PIWIL3: variants seen among roughly 807,000 people sequenced by gnomAD.
PIWIL3 encodes the protein piwi-like protein 3.
A neutral mutation model predicts 109.7 loss-of-function variants in PIWIL3; 101 were observed. That is an observed-to-expected ratio of 0.92 (90% CI 0.78 to 1.09). The LOEUF (loss-of-function observed/expected upper bound fraction) is 1.09. Among genes scored for constraint, PIWIL3 ranks in the 50% least tolerant of loss-of-function variants. The pLI is 0.00. For synonymous variants in PIWIL3, 373 were observed against 376.4 expected, an observed-to-expected ratio of 0.99 and a Z score of 0.10; for missense variants, 1,031 against 1,072.6, an observed-to-expected ratio of 0.96 and a Z score of 0.54.
intron 12 of PIWIL3, among the ~76,000 whole-genome samples, chr22:24,745,085 A>G (rs1924275360): frequency 6.6e-6 from 1 of 152,206 alleles, no homozygotes; most frequent in African/African-American, 2.4e-5. Flanking sequence ...GAAACTATAC[A>G]AACACATGGA....
intron 1 of PIWIL3, among the ~76,000 whole-genome samples, chr22:24,773,368 T>C (rs978113706): frequency 3.3e-5 from 5 of 152,186 alleles, no homozygotes; most frequent in Non-Finnish European, 7.3e-5. Context: ...TTTCTCCTCT[T>C]TTCCTGTCTG....
rs1382010918 is a variant in PIWIL3 at position 24,758,032 on chromosome 22, C to T, written c.231G>A (p.Lys77=). Residue 77 remains lysine (K), a synonymous_variant, in exon 4 of 21, where the codon AAG becomes AAA. Transcript: ENST00000616349. ...GCAACCCAGCCTCAGGTCCAGGTTC[C>T]TTCACCCCTGCATAAATGTAAACGC... The part of the protein sequence containing the change: ...AGGGAQSQGV[K]EPGPEAGLHT... 4 of 1,610,014 alleles carry T rather than the reference C, an allele frequency of 2.5e-6. No individual in the cohort carries two copies. The highest frequency in any genetic ancestry group is 3.4e-5 in the Admixed American group (2 of 58,780).
chr22:24,760,055 C>A, intron 2 of PIWIL3, 66 bp from the exon 3 acceptor site: 1 of 1,593,698 alleles, frequency 6.3e-7, no homozygotes, highest in Non-Finnish European at 8.6e-7. Flanking sequence ...CTCCAAATGG[C>A]ACTCGCAGGG....
chr22:24,744,194 A>AC lies in PIWIL3; in HGVS notation c.1449+4712_1449+4713insG, dbSNP rs1009139479. Among the ~76,000 whole-genome samples, 128 of 147,468 alleles carry AC rather than the reference A, an allele frequency of 8.7e-4. 1 individual carries two copies. The highest frequency in any genetic ancestry group is 3.0e-3 in the African/African-American group (119 of 40,114). On this transcript the variant is annotated intron_variant, in intron 12 of 20. Coordinates refer to ENST00000616349, the MANE Select transcript of PIWIL3 (RefSeq NM_001255975.1). ...TGACCGAATTAAAAAAAAAAAAAAA[A>AC]AAAAAAAAAAAAACAATGATCTGCT...
intron 12 of PIWIL3, among the ~76,000 whole-genome samples, chr22:24,743,625 A>G (rs1924135904): frequency 6.6e-6 from 1 of 152,174 alleles, no homozygotes; most frequent in South Asian, 2.1e-4. Flanking sequence ...AACTATGAGG[A>G]TGCAAAGGCG....
chr22:24,744,867 C>T (rs1234404537), intron 12 of PIWIL3, among the ~76,000 whole-genome samples: 1 of 152,170 alleles, frequency 6.6e-6, no homozygotes, highest in African/African-American at 2.4e-5. Flanking sequence ...TTGGCCTTAA[C>T]CTGCACTATA....
rs1382303176 is a variant in PIWIL3 at position 24,754,878 on chromosome 22, G to A, written c.693-14C>T. On this transcript the variant is annotated splice_polypyrimidine_tract_variant and intron_variant, in intron 6 of 20. Transcript: ENST00000616349. ...AGCTTGAAAGTTCTGGAAATGGAAA[G>A]AATAGATTTTGTTGAAAGTACAGGG... 1 of 1,605,246 alleles carries A rather than the reference G, an allele frequency of 6.2e-7. No individual in the cohort carries two copies. Among genetic ancestry groups the A allele is most frequent in the East Asian group, 2.2e-5 (1 of 44,768 alleles).
Position 24,723,152 on chromosome 22 carries a change from C to T in PIWIL3, c.2335G>A (p.Val779Ile), listed in dbSNP as rs757726164. 6.2e-6 allele frequency: 10 copies of T among 1,613,254 alleles called. No homozygotes were observed. The highest frequency in any genetic ancestry group is 2.2e-5 in the South Asian group (2 of 91,064). The part of the protein sequence containing the change: ...QNPPPGTVID[V>I]ELTRNEWYDF... ...TACCATTCATTCCTAGTCAACTCTACATCAATAACTGTTCCTGGAGGTGGA... is the reference window on the plus strand; with the variant it reads ...TACCATTCATTCCTAGTCAACTCTATATCAATAACTGTTCCTGGAGGTGGA... The change falls in exon 19 of 21, where the codon GTA becomes ATA. Residue 779 changes from valine to isoleucine, a missense_variant. Coordinates refer to ENST00000616349, the MANE Select transcript of PIWIL3 (RefSeq NM_001255975.1).
chr22:24,750,559 G>C (rs1924647246), intron 9 of PIWIL3, among the ~76,000 whole-genome samples: 1 of 143,584 alleles, frequency 7.0e-6, no homozygotes, highest in Admixed American at 7.6e-5. Context: ...CGCGATCTTG[G>C]CTCACTGCAA....
intron 12 of PIWIL3, among the ~76,000 whole-genome samples, chr22:24,742,161 A>G (rs1211143948): frequency 1.3e-5 from 2 of 151,528 alleles, no homozygotes; most frequent in Admixed American, 6.6e-5. Flanking sequence ...CAAAAAAAAA[A>G]AAAAAAAAAG....
intron 20 of PIWIL3, 42 bp from the exon 21 acceptor site, chr22:24,719,630 T>G (rs1404404782): frequency 6.5e-7 from 1 of 1,544,600 alleles, no homozygotes; most frequent in African/African-American, 1.4e-5. Flanking sequence ...TTTTTTTCAC[T>G]TTACATCTAC....
intron 1 of PIWIL3, among the ~76,000 whole-genome samples, chr22:24,771,226 G>C (rs1445738100): frequency 6.6e-6 from 1 of 152,038 alleles, no homozygotes; most frequent in Admixed American, 6.6e-5. Flanking sequence ...ACTTTGGGAG[G>C]CTGAGGCGAG....
At chr22:24,747,040 A>G (rs1924416324) in intron 12 of PIWIL3, among the ~76,000 whole-genome samples, 1 of 152,202 alleles carries the variant, frequency 6.6e-6, no homozygotes, top group Admixed American at 6.5e-5. Flanking sequence ...AAGCAAAAAG[A>G]ACAAAACTGG....
At position 24,723,189 on chromosome 22, in the gene PIWIL3, G is replaced by C. The variant is rs771911743; in HGVS notation, c.2298C>G (p.Ser766Arg). 18 of 1,611,516 alleles carry C rather than the reference G, an allele frequency of 1.1e-5. No homozygotes were observed. In the South Asian group the frequency reaches 2.0e-4, roughly 18 times the overall value. ...TTCCTGGAGGTGGATTTTGAAAATT[G>C]CTTCCATGTTTAAGAAAAAATCTAG... Reference protein sequence around the residue: ...INTRFFLKHGSNFQNPPPGTV... With the variant: ...INTRFFLKHGRNFQNPPPGTV... Residue 766 changes from serine to arginine, a missense_variant, in exon 19 of 21, where the codon AGC becomes AGG. Coordinates refer to ENST00000616349, the MANE Select transcript of PIWIL3 (RefSeq NM_001255975.1).
intron 3 of PIWIL3, 90 bp downstream of exon 3, chr22:24,759,779 C>G: frequency 1.3e-6 from 2 of 1,578,328 alleles, no homozygotes; most frequent in Non-Finnish European, 1.7e-6. Context: ...TCACGGGAGT[C>G]CTGAGGCTAT....
At chr22:24,744,645 AAAG>A (rs1212481586) in intron 12 of PIWIL3, among the ~76,000 whole-genome samples, 1 of 152,224 alleles carries the variant, frequency 6.6e-6, no homozygotes, top group African/African-American at 2.4e-5. Context: ...ACTATGAGAC[AAAG>A]AAGGTCACTA....
chr22:24,751,357 A>G (rs11705460), intron 9 of PIWIL3, 30 bp downstream of exon 9: 308,919 of 1,556,276 alleles, frequency 0.2, 32,593 homozygotes, highest in Admixed American at 0.38. Context: ...TTTACAATTT[A>G]AATATATTTA....
At chr22:24,736,912 C>G (rs1468996640) in intron 12 of PIWIL3, among the ~76,000 whole-genome samples, 3 of 152,246 alleles carry the variant, frequency 2.0e-5, no homozygotes, top group Non-Finnish European at 4.4e-5. Flanking sequence ...ATTTCCCAGC[C>G]CAGTGGTCAG....
chr22:24,760,432 T>C (rs968513059), intron 2 of PIWIL3, among the ~76,000 whole-genome samples: 4 of 151,912 alleles, frequency 2.6e-5, no homozygotes, highest in Admixed American at 2.6e-4. Context: ...GGGTGAGAGA[T>C]GTCAGTGAGA....
Sources: gnomAD v4.1 joint callset for allele counts (sites outside exome capture counted in the v4.1 genomes callset) on GRCh38, gnomAD v4.1.1 for gene constraint, MANE v1.5 for transcripts, NCBI Gene and HGNC (gene_info 2026-07-23, HGNC 2026-07-21) for gene names.